The following PRDM16 variants were observed in gnomAD, a reference collection of about 807,000 sequenced individuals.
PRDM16 encodes PR/SET domain 16.
A neutral mutation model predicts 110.6 loss-of-function variants in PRDM16; 23 were observed. The ratio of observed to expected loss-of-function variants is 0.21; its 90% CI spans 0.15 to 0.29. The LOEUF is 0.29. Ranked by LOEUF, PRDM16 falls within the 10% of genes least tolerant of loss-of-function variation. The pLI is 1.00. For missense variants in PRDM16, 1,615 were observed against 1,794.3 expected, an observed-to-expected ratio of 0.90 and a Z score of 1.81; for synonymous variants, 799 against 781.8, an observed-to-expected ratio of 1.02 and a Z score of -0.37.
intron 2 of PRDM16, among the ~76,000 whole-genome samples, chr1:3,187,772 G>A (rs1219238625): frequency 6.6e-6 from 1 of 152,172 alleles, no homozygotes; most frequent in Non-Finnish European, 1.5e-5. Flanking sequence ...TCCTTGTCAA[G>A]GATATAGGGA....
chr1:3,131,060 C>T (rs1009929607), intron 1 of PRDM16, among the ~76,000 whole-genome samples: 2 of 152,178 alleles, frequency 1.3e-5, no homozygotes, highest in African/African-American at 4.8e-5. Flanking sequence ...GGCCCCTGCC[C>T]TTGTCTTCTG....
chr1:3,224,988 A>G (rs1299330761), intron 2 of PRDM16, among the ~76,000 whole-genome samples: 1 of 152,254 alleles, frequency 6.6e-6, no homozygotes, highest in East Asian at 1.9e-4. Flanking sequence ...AGAAAAGGCC[A>G]AGGGCATCAC....
intron 16 of PRDM16, among the ~76,000 whole-genome samples, 190 bp downstream of exon 16, chr1:3,432,330 G>A (rs1638791574): frequency 6.6e-6 from 1 of 152,208 alleles, no homozygotes; most frequent in Non-Finnish European, 1.5e-5. Flanking sequence ...CAGCAGGGAG[G>A]GGCTGAGAGC....
intron 1 of PRDM16, among the ~76,000 whole-genome samples, chr1:3,119,917 C>A (rs1643055527): frequency 6.6e-6 from 1 of 151,978 alleles, no homozygotes; most frequent in Non-Finnish European, 1.5e-5. Flanking sequence ...TCCCTGCGGC[C>A]CCACAGCCCC....
chr1:3,245,925 G>A lies in PRDM16; in HGVS notation c.438+1788G>A, dbSNP rs1235601586. Among the ~76,000 whole-genome samples, 2 of 152,176 alleles carry A rather than the reference G, an allele frequency of 1.3e-5. No homozygotes were observed. Among genetic ancestry groups the A allele is most frequent in the East Asian group, 1.9e-4 (1 of 5,194 alleles). ...CTGGACCGTCTGACATTTTCAAGAC[G>A]CCCTCCTTGGCTGCGCCTCTCCTGA... is the stretch of plus-strand genomic sequence containing the variant. On this transcript the variant is annotated intron_variant, in intron 3 of 16. Coordinates refer to ENST00000270722, the MANE Select transcript of PRDM16 (RefSeq NM_022114.4). The surrounding 1 kb of genome is among the most constrained non-coding windows in gnomAD (Gnocchi z 4.7).
At chr1:3,112,675 A>T (rs1197455873) in intron 1 of PRDM16, among the ~76,000 whole-genome samples, 1 of 152,228 alleles carries the variant, frequency 6.6e-6, no homozygotes, top group African/African-American at 2.4e-5. Flanking sequence ...TCCTGCAGAC[A>T]GGGCCTTCCC....
At chr1:3,378,522 G>A (rs145990836) in intron 3 of PRDM16, among the ~76,000 whole-genome samples, 4 of 152,154 alleles carry the variant, frequency 2.6e-5, no homozygotes, top group Non-Finnish European at 5.9e-5. Context: ...GGCAGCCTGG[G>A]CTGGGAGCTG....
chr1:3,142,345 G>C (rs1469432154), intron 1 of PRDM16, among the ~76,000 whole-genome samples: 1 of 152,274 alleles, frequency 6.6e-6, no homozygotes, highest in Non-Finnish European at 1.5e-5. Flanking sequence ...GGGGAGCCCT[G>C]TCCCGGGGGT....
rs770027096 is a variant in PRDM16, at chr1:3,193,660, G to A, written c.387+7186G>A. 2.6e-5 allele frequency among the ~76,000 whole-genome samples: 4 copies of A among 152,272 alleles called. No individual in the cohort carries two copies. In the South Asian group the frequency reaches 6.2e-4, roughly 24 times the overall value. ...TTCTGAGAAGTGCGCCCACCCAGCCGGGGAGGAGGTGCAAGCCCCTGCCCC... is the reference window on the plus strand; with the variant it reads ...TTCTGAGAAGTGCGCCCACCCAGCCAGGGAGGAGGTGCAAGCCCCTGCCCC... On this transcript the variant is annotated intron_variant, in intron 2 of 16. Coordinates refer to ENST00000270722, the MANE Select transcript of PRDM16 (RefSeq NM_022114.4).
At chr1:3,325,373 C>T (rs145633654) in intron 3 of PRDM16, among the ~76,000 whole-genome samples, 5 of 152,320 alleles carry the variant, frequency 3.3e-5, no homozygotes, top group African/African-American at 4.8e-5. Flanking sequence ...GGGAGATGAA[C>T]GCAGGGGATG....
intron 4 of PRDM16, among the ~76,000 whole-genome samples, chr1:3,393,654 AG>A (rs1385801404): frequency 6.6e-6 from 1 of 152,182 alleles, no homozygotes; most frequent in East Asian, 1.9e-4. Context: ...CCCGCCGGCC[AG>A]GAACAGTGGC....
At chr1:3,135,903 C>T (rs1643428067) in intron 1 of PRDM16, among the ~76,000 whole-genome samples, 1 of 152,200 alleles carries the variant, frequency 6.6e-6, no homozygotes, top group East Asian at 1.9e-4. Context: ...GCCTACAGAG[C>T]CTGGGGCTGC....
intron 12 of PRDM16, among the ~76,000 whole-genome samples, chr1:3,419,950 G>A (rs1638383408): frequency 6.6e-6 from 1 of 150,648 alleles, no homozygotes; most frequent in African/African-American, 2.4e-5. Context: ...TCAAAAAATA[G>A]TGACTTACAA....
chr1:3,301,787 ACCACACCTGAG>A (rs1351302745), intron 3 of PRDM16, among the ~76,000 whole-genome samples: 1 of 152,200 alleles, frequency 6.6e-6, no homozygotes, highest in African/African-American at 2.4e-5. Context: ...AGGGGCACAC[ACCACACCTGAG>A]CCACATTCTG....
chr1:3,378,885 C>T (rs945279694), intron 3 of PRDM16, among the ~76,000 whole-genome samples: 28 of 152,124 alleles, frequency 1.8e-4, no homozygotes, highest in African/African-American at 6.5e-4. Flanking sequence ...TGTCCAAGCT[C>T]CTCCTCCATC....
intron 8 of PRDM16, among the ~76,000 whole-genome samples, chr1:3,408,540 G>A (rs1035165936): frequency 6.6e-6 from 1 of 151,036 alleles, no homozygotes; most frequent in Non-Finnish European, 1.5e-5. Context: ...GCGTGTGTGT[G>A]GACACATGAG....
intron 2 of PRDM16, among the ~76,000 whole-genome samples, chr1:3,237,353 T>A (rs899910908): frequency 6.6e-6 from 1 of 152,140 alleles, no homozygotes; most frequent in Non-Finnish European, 1.5e-5. Context: ...CATCACCTCC[T>A]GGGCTCCCCA....
At position 3,245,095 on chromosome 1, in the gene PRDM16, G is replaced by A. The variant is rs565943251; in HGVS notation, c.438+958G>A. 6.6e-6 allele frequency among the ~76,000 whole-genome samples: 1 copy of A among 152,190 alleles called. No individual in the cohort carries two copies. The highest frequency in any genetic ancestry group is 2.4e-5 in the African/African-American group (1 of 41,452). On this transcript the variant is annotated intron_variant, in intron 3 of 16. Coordinates refer to ENST00000270722, the MANE Select transcript of PRDM16 (RefSeq NM_022114.4). The surrounding 1 kb of genome is among the most constrained non-coding windows in gnomAD (Gnocchi z 4.7). ...GGGTGGGGCGGGGTGCACCATGGGG[G>A]TTGCTGGCACAGAGGAGCCAGTGCT...
chr1:3,386,267 G>T (rs1643196760), intron 4 of PRDM16, among the ~76,000 whole-genome samples: 1 of 152,072 alleles, frequency 6.6e-6, no homozygotes, highest in Admixed American at 6.6e-5. Context: ...CCATGGCTGT[G>T]AAAAATGTGT....
Sources: gnomAD v4.1 joint callset for allele counts (sites outside exome capture counted in the v4.1 genomes callset) on GRCh38, gnomAD v4.1.1 for gene constraint, Gnocchi (gnomAD v3.1) non-coding constraint, MANE v1.5 for transcripts, NCBI Gene and HGNC (gene_info 2026-07-23, HGNC 2026-07-21) for gene names.